The following PALLD variants were observed in gnomAD, a reference collection of about 807,000 sequenced individuals.
The protein encoded by PALLD is palladin, cytoskeletal associated protein.
Under a neutral mutation model 123.5 loss-of-function variants are expected in PALLD, and 61 were observed. The observed-to-expected ratio is 0.49, with a 90% CI of 0.40 to 0.61. The LOEUF (loss-of-function observed/expected upper bound fraction) is 0.61, where lower values mean the gene tolerates loss of function less well. PALLD is among the 20% of genes least tolerant of loss of function. PALLD has a pLI of 0.00. For synonymous variants in PALLD, 465 were observed against 496.4 expected, an observed-to-expected ratio of 0.94 and a Z score of 0.84; for missense variants, 1,273 against 1,377.0, an observed-to-expected ratio of 0.92 and a Z score of 1.20.
In PALLD at chr4:168,773,701, G is replaced by A. The variant is rs116395165; in HGVS notation, c.1964+61778G>A. Among the ~76,000 whole-genome samples, 470 of 152,284 alleles carry A rather than the reference G, an allele frequency of 3.1e-3. 2 individuals carry two copies. The highest frequency in any genetic ancestry group is 0.011 in the African/African-American group (448 of 41,552). On this transcript the variant is annotated intron_variant, in intron 10 of 21. Transcript: ENST00000505667. ...CATCTAGGATATGCCAAGACCTGCT[G>A]ATTTTTCGTCACTTGCCTTTTCTTA...
chr4:168,605,756 C>A (rs1773100832), intron 2 of PALLD, among the ~76,000 whole-genome samples: 1 of 152,086 alleles, frequency 6.6e-6, no homozygotes, highest in Admixed American at 6.5e-5. Flanking sequence ...CAGTAGTCCC[C>A]AAAAATAAAT....
chr4:168,544,164 C>G (rs1210606467), intron 2 of PALLD, among the ~76,000 whole-genome samples: 4 of 152,172 alleles, frequency 2.6e-5, no homozygotes, highest in Non-Finnish European at 5.9e-5. Context: ...ACTACATGTT[C>G]TGTTTATACT....
At chr4:168,539,394 C>A (rs1765390538) in intron 2 of PALLD, among the ~76,000 whole-genome samples, 1 of 152,002 alleles carries the variant, frequency 6.6e-6, no homozygotes, top group Non-Finnish European at 1.5e-5. Context: ...TCGAGACCAG[C>A]CTGGCTAACA....
rs1182323286 is a variant in PALLD, at chr4:168,927,973, A to AAAAT, written c.*1796_*1799dup. ...ACTCAATTCATACGTAGTATTTTTTAAAATAATTTTATATCTGTGTACCAC... is the reference window on the plus strand; with the variant it reads ...ACTCAATTCATACGTAGTATTTTTTAAAATAAATAATTTTATATCTGTGTACCAC... On this transcript the variant is annotated 3_prime_UTR_variant, in exon 22 of 22. Transcript: ENST00000505667. 15 of 196,114 alleles carry AAAAT rather than the reference A, an allele frequency of 7.6e-5. No individual in the cohort carries two copies. Among genetic ancestry groups the AAAAT allele is most frequent in the East Asian group, 4.8e-4 (6 of 12,414 alleles). The allele number at this position is 196,114 out of a possible 1,614,324, so 12.1% of individuals were successfully genotyped here. A position where few individuals can be genotyped will look rare whatever the true frequency, so the allele number is the denominator to read the frequency against.
intron 10 of PALLD, chr4:168,843,846 C>T (rs1319807540): frequency 6.9e-6 from 1 of 145,272 alleles, no homozygotes; most frequent in Non-Finnish European, 1.6e-5. Flanking sequence ...ATTTCCTGGG[C>T]TGGAAACAAC....
chr4:168,876,853 C>T (rs1448881360), intron 10 of PALLD, among the ~76,000 whole-genome samples: 1 of 152,062 alleles, frequency 6.6e-6, no homozygotes, highest in Non-Finnish European at 1.5e-5. Context: ...CTATGTTTAC[C>T]TCATGTGAAT....
At chr4:168,540,567 T>C (rs972423347) in intron 2 of PALLD, among the ~76,000 whole-genome samples, 4 of 152,202 alleles carry the variant, frequency 2.6e-5, no homozygotes, top group African/African-American at 7.2e-5. Flanking sequence ...TTATTTTAAA[T>C]GAGTTTCAGT....
At chr4:168,678,154 C>T (rs953717120) in intron 3 of PALLD, 1 of 152,068 alleles carries the variant, frequency 6.6e-6, no homozygotes, top group African/African-American at 2.4e-5. Context: ...GGTCACAGAC[C>T]ACGAGGCTCA....
intron 2 of PALLD, among the ~76,000 whole-genome samples, chr4:168,552,076 A>T (rs1009139017): frequency 1.3e-5 from 2 of 152,212 alleles, no homozygotes; most frequent in Non-Finnish European, 1.5e-5. Context: ...CCTATAAGGT[A>T]AATCTCTAGT....
intron 2 of PALLD, among the ~76,000 whole-genome samples, chr4:168,657,951 C>T (rs1177141989): frequency 1.3e-5 from 2 of 152,084 alleles, no homozygotes; most frequent in African/African-American, 4.8e-5. Context: ...TTCGGGAGCC[C>T]CTCTGTCTCA....
At position 168,914,608 on chromosome 4, in the gene PALLD, CAGAGAT is replaced by C. The variant is rs1311272483; in HGVS notation, c.2717+593_2717+598del. 4.0e-5 allele frequency among the ~76,000 whole-genome samples: 6 copies of C among 151,832 alleles called. No homozygotes were observed. In the East Asian group the frequency reaches 1.2e-3, roughly 29 times the overall value. The stretch of plus-strand genomic sequence containing the variant: ...AGGACACTGATGGAACAATGGTAGG[CAGAGAT>C]AGAGAAAGGATTATTACTTCTTAGT... On this transcript the variant is annotated intron_variant, in intron 16 of 21. Transcript: ENST00000505667.
chr4:168,645,414 G>A (rs1053552493), intron 2 of PALLD, among the ~76,000 whole-genome samples: 6 of 152,142 alleles, frequency 3.9e-5, no homozygotes, highest in Non-Finnish European at 7.4e-5. Flanking sequence ...GGGTGTTTGC[G>A]AACAGCGTCG....
chr4:168,760,990 C>T (rs1732746010), intron 10 of PALLD, among the ~76,000 whole-genome samples: 1 of 152,188 alleles, frequency 6.6e-6, no homozygotes, highest in African/African-American at 2.4e-5. Context: ...AAATGTGCCT[C>T]ATTAGAAATG....
At chr4:168,889,021 C>A (rs1274687911) in intron 10 of PALLD, among the ~76,000 whole-genome samples, 5 of 152,058 alleles carry the variant, frequency 3.3e-5, no homozygotes, top group Non-Finnish European at 7.4e-5. Context: ...AAACCGTGAA[C>A]CCAGTGTTTA....
At chr4:168,623,928 C>A (rs2149803880) in intron 2 of PALLD, among the ~76,000 whole-genome samples, 1 of 152,224 alleles carries the variant, frequency 6.6e-6, no homozygotes, top group Admixed American at 6.5e-5. Flanking sequence ...GTCAACATAT[C>A]TTAAGTTCGG....
chr4:168,720,938 T>C (rs1785950795), intron 10 of PALLD, among the ~76,000 whole-genome samples: 1 of 152,210 alleles, frequency 6.6e-6, no homozygotes, highest in African/African-American at 2.4e-5. Flanking sequence ...AGTGCCACAT[T>C]CTTAGATATT....
intron 3 of PALLD, among the ~76,000 whole-genome samples, chr4:168,670,780 A>C (rs1324220093): frequency 1.2e-4 from 16 of 136,836 alleles, no homozygotes; most frequent in South Asian, 2.2e-4. Flanking sequence ...AAAAACAAAA[A>C]AAAAAAAACA....
chr4:168,828,859 C>T (rs936071579), intron 10 of PALLD: 1 of 152,268 alleles, frequency 6.6e-6, no homozygotes, highest in Non-Finnish European at 1.5e-5. Context: ...GAGGGAGTTC[C>T]TTGAGTGTCA....
intron 10 of PALLD, among the ~76,000 whole-genome samples, chr4:168,862,821 G>T (rs1456886748): frequency 6.6e-6 from 1 of 152,214 alleles, no homozygotes; most frequent in African/African-American, 2.4e-5. Flanking sequence ...CTTAGGGAAA[G>T]CATATACATG....
Sources: allele counts gnomAD v4.1 joint callset (sites outside exome capture counted in the v4.1 genomes callset), GRCh38; gene constraint gnomAD v4.1.1; transcripts MANE v1.5; gene names NCBI Gene and HGNC (gene_info 2026-07-23, HGNC 2026-07-21).